The following TBC1D32 variants were observed in gnomAD, a reference collection of about 807,000 sequenced individuals.
The protein encoded by TBC1D32 is protein broad-minded.
In TBC1D32, 151 loss-of-function variants were observed where a neutral mutation model predicts 170.3. The observed-to-expected ratio is 0.89, with a 90% CI of 0.78 to 1.01. TBC1D32 has a LOEUF of 1.01. Ranked by LOEUF, TBC1D32 falls within the 50% of genes least tolerant of loss-of-function variation. The probability of loss-of-function intolerance (pLI) is 0.00; values close to 1 mark genes in which losing one functional copy is unlikely to be tolerated. For missense variants in TBC1D32, 1,464 were observed against 1,457.1 expected, an observed-to-expected ratio of 1.00 and a Z score of -0.08; for synonymous variants, 498 against 488.0, an observed-to-expected ratio of 1.02 and a Z score of -0.27.
At chr6:121,158,256 T>C (rs1785162758) in intron 24 of TBC1D32, among the ~76,000 whole-genome samples, 1 of 152,230 alleles carries the variant, frequency 6.6e-6, no homozygotes. Context: ...AGCTTTGAGA[T>C]TCTTTCCTTA....
intron 17 of TBC1D32, among the ~76,000 whole-genome samples, chr6:121,245,919 C>T (rs1287981126): frequency 6.6e-6 from 1 of 152,092 alleles, no homozygotes; most frequent in Non-Finnish European, 1.5e-5. Flanking sequence ...GCTGAGGTAG[C>T]TCCTACCCTT....
At chr6:121,252,735 A>C (rs998221964) in intron 17 of TBC1D32, among the ~76,000 whole-genome samples, 1 of 152,114 alleles carries the variant, frequency 6.6e-6, no homozygotes, top group Non-Finnish European at 1.5e-5. Flanking sequence ...TTAATGTATA[A>C]TAAATAAAAA....
chr6:121,132,509 T>C (rs1249291001), intron 24 of TBC1D32, among the ~76,000 whole-genome samples: 1 of 152,004 alleles, frequency 6.6e-6, no homozygotes, highest in Non-Finnish European at 1.5e-5. Context: ...TATTCTTTGT[T>C]CAACTCAGTA....
At chr6:121,275,975 C>T (rs1461239257) in intron 15 of TBC1D32, among the ~76,000 whole-genome samples, 1 of 151,712 alleles carries the variant, frequency 6.6e-6, no homozygotes, top group Admixed American at 6.6e-5. Context: ...AAAAATTAAC[C>T]GGGCAAGGTG....
At position 121,170,160 on chromosome 6, in the gene TBC1D32, T is replaced by TAC. The variant is rs150401778; in HGVS notation, c.2571-9106_2571-9105dup. Among the ~76,000 whole-genome samples the TAC allele has an allele frequency of 4.9e-3, 737 of 149,050 alleles. 5 individuals carry two copies. The highest frequency in any genetic ancestry group is 0.014 in the African/African-American group (580 of 40,968). ...TATATATACACACATACCACACACA[T>TAC]ACACACACACACACACACGACAAAA... On this transcript the variant is annotated intron_variant, in intron 22 of 31. Coordinates refer to ENST00000398212, the MANE Select transcript of TBC1D32 (RefSeq NM_152730.6).
chr6:121,189,932 T>C (rs1789724583), intron 22 of TBC1D32, among the ~76,000 whole-genome samples: 1 of 152,036 alleles, frequency 6.6e-6, no homozygotes. Flanking sequence ...CAAGATACAT[T>C]GTTTTGCTTC....
chr6:121,196,502 C>T (rs2128293540), intron 22 of TBC1D32, among the ~76,000 whole-genome samples: 1 of 152,284 alleles, frequency 6.6e-6, no homozygotes, highest in East Asian at 1.9e-4. Flanking sequence ...TATGGGTTTG[C>T]CTATCCTGCA....
chr6:121,162,747 A>C (rs6569177), intron 22 of TBC1D32, among the ~76,000 whole-genome samples: 1 of 149,562 alleles, frequency 6.7e-6, no homozygotes, highest in African/African-American at 2.5e-5. Context: ...GAACAGCTCC[A>C]GTCTACAGCT....
chr6:121,237,298 C>T (rs1244595203), intron 20 of TBC1D32, among the ~76,000 whole-genome samples: 1 of 151,766 alleles, frequency 6.6e-6, no homozygotes, highest in African/African-American at 2.4e-5. Flanking sequence ...TTTTCTTAAG[C>T]TTCTTTCAAA....
At chr6:121,310,968 C>T in intron 3 of TBC1D32, 121 bp from the exon 4 acceptor site, 1 of 661,368 alleles carries the variant, frequency 1.5e-6, no homozygotes, top group Non-Finnish European at 2.6e-6. Context: ...AGGAGATGAT[C>T]TATTTTGATT....
chr6:121,261,003 C>T (rs1317176391), intron 15 of TBC1D32, among the ~76,000 whole-genome samples: 1 of 152,160 alleles, frequency 6.6e-6, no homozygotes, highest in Non-Finnish European at 1.5e-5. Context: ...CAGCGCAGCA[C>T]ACCAGCTGTG....
chr6:121,192,354 T>G (rs1790189354), intron 22 of TBC1D32: 1 of 151,366 alleles, frequency 6.6e-6, no homozygotes, highest in Non-Finnish European at 1.5e-5. Context: ...AGGAAAGGAG[T>G]TTAGTGACTC....
intron 17 of TBC1D32, among the ~76,000 whole-genome samples, chr6:121,242,546 T>C (rs764437731): frequency 6.6e-6 from 1 of 152,134 alleles, no homozygotes; most frequent in African/African-American, 2.4e-5. Flanking sequence ...TCTATACCTA[T>C]AATTTCTCTT....
At chr6:121,159,333 C>T (rs1785311195) in intron 24 of TBC1D32, among the ~76,000 whole-genome samples, 1 of 152,118 alleles carries the variant, frequency 6.6e-6, no homozygotes, top group South Asian at 2.1e-4. Context: ...CTGTGTATAG[C>T]ACATAGCAGT....
intron 24 of TBC1D32, among the ~76,000 whole-genome samples, chr6:121,143,529 C>T (rs993453617): frequency 3.3e-5 from 5 of 152,120 alleles, no homozygotes; most frequent in African/African-American, 9.7e-5. Flanking sequence ...AGGATGCCAC[C>T]ATGTGCACAC....
chr6:121,098,956 T>TCTGA (rs1265341140), intron 30 of TBC1D32, among the ~76,000 whole-genome samples: 1 of 152,032 alleles, frequency 6.6e-6, no homozygotes, highest in Non-Finnish European at 1.5e-5. Context: ...TAAATCTGAC[T>TCTGA]CTGAACAAGG....
rs980996989 is a variant in TBC1D32 at position 121,115,231 on chromosome 6, T to C, written c.2994A>G (p.Ala998=). Residue 998 remains alanine (A), a synonymous_variant, in exon 27 of 32, where the codon GCA becomes GCG. Transcript: ENST00000398212. The part of the protein sequence containing the change: ...FPSVEYTATD[A]NVKNESLSSV... ...ATGAAAGACTTTCATTCTTCACATT[T>C]GCATCAGTAGCTAAAGACAACAGAA... is the stretch of plus-strand genomic sequence containing the variant. 12 of 1,598,800 alleles carry C rather than the reference T, an allele frequency of 7.5e-6. No homozygotes were observed. Among genetic ancestry groups the C allele is most frequent in the African/African-American group, 1.3e-5 (1 of 74,678 alleles).
At chr6:121,155,176 T>G (rs900650166) in intron 24 of TBC1D32, among the ~76,000 whole-genome samples, 1 of 152,180 alleles carries the variant, frequency 6.6e-6, no homozygotes, top group Non-Finnish European at 1.5e-5. Context: ...CTGATTTCTT[T>G]CAGCAATGTT....
At chr6:121,323,887 C>G (rs1810102334) in intron 1 of TBC1D32, among the ~76,000 whole-genome samples, 1 of 152,104 alleles carries the variant, frequency 6.6e-6, no homozygotes, top group South Asian at 2.1e-4. Context: ...TTGCAGTGAG[C>G]CAAGATTGCG....
Sources: allele counts gnomAD v4.1 joint callset (sites outside exome capture counted in the v4.1 genomes callset), GRCh38; gene constraint gnomAD v4.1.1; transcripts MANE v1.5; gene names NCBI Gene and HGNC (gene_info 2026-07-23, HGNC 2026-07-21).